The following FGF2 variants were observed in gnomAD, a reference collection of about 807,000 sequenced individuals.
FGF2 encodes fibroblast growth factor 2.
Under a neutral mutation model 15.9 loss-of-function variants are expected in FGF2, and 13 were observed. The ratio of observed to expected loss-of-function variants is 0.82; its 90% confidence interval spans 0.53 to 1.30. The LOEUF is 1.30. FGF2 is among the 50% of genes most tolerant of loss of function. FGF2 has a pLI of 0.00. For synonymous variants in FGF2, 90 were observed against 78.4 expected (o/e 1.15, Z -0.78); for missense variants, 163 against 196.9 (o/e 0.83, Z 1.03).
intron 1 of FGF2, among the ~76,000 whole-genome samples, chr4:122,845,886 TC>T (rs1418577065): frequency 6.6e-6 from 1 of 152,238 alleles, no homozygotes. Context: ...CAAGAATTCT[TC>T]TTTTGCAGTC....
intron 2 of FGF2, among the ~76,000 whole-genome samples, chr4:122,880,339 C>A (rs185236266): frequency 1.3e-5 from 2 of 151,494 alleles, no homozygotes; most frequent in East Asian, 3.9e-4. Context: ...CTCCACCTCC[C>A]GGGTTCACGC....
intron 2 of FGF2, among the ~76,000 whole-genome samples, chr4:122,889,576 G>A (rs941791550): frequency 2.0e-5 from 3 of 151,964 alleles, no homozygotes; most frequent in Non-Finnish European, 4.4e-5. Flanking sequence ...ACTAAATTTT[G>A]GCCCTACTAC....
At chr4:122,852,736 C>A (rs900437377) in intron 1 of FGF2, among the ~76,000 whole-genome samples, 1 of 152,162 alleles carries the variant, frequency 6.6e-6, no homozygotes, top group Non-Finnish European at 1.5e-5. Context: ...TCATTTTTTA[C>A]CAAAATTCAA....
chr4:122,865,669 T>A (rs969024701), intron 1 of FGF2, among the ~76,000 whole-genome samples: 1 of 152,230 alleles, frequency 6.6e-6, no homozygotes, highest in African/African-American at 2.4e-5. Context: ...ACATTTCTAC[T>A]TTAATACATC....
rs1727394589 is a variant in FGF2, at chr4:122,897,385, C to T, written c.*4989C>T. The T allele has an allele frequency of 2.0e-6, 1 of 501,138 alleles. No homozygotes were observed. The highest frequency in any genetic ancestry group is 3.5e-5 in the Admixed American group (1 of 28,182). 31.0% of individuals were successfully genotyped at this position (501,138 alleles called of 1,614,324 possible). A position where few individuals can be genotyped will look rare whatever the true frequency, so the allele number is the denominator to read the frequency against. ...TCAGACAGATTAATCCAGAAGCAGT[C>T]ATAAACAGAAGAATAGGTGGTATGT... On this transcript the variant is annotated 3_prime_UTR_variant, in exon 3 of 3. Coordinates refer to ENST00000644866, the MANE Select transcript of FGF2 (RefSeq NM_001361665.2).
At chr4:122,861,540 A>T (rs577242484) in intron 1 of FGF2, among the ~76,000 whole-genome samples, 5 of 151,016 alleles carry the variant, frequency 3.3e-5, no homozygotes, top group African/African-American at 9.7e-5. Flanking sequence ...TTCTCCTCAT[A>T]GCCCCTGTGA....
chr4:122,860,447 C>CTTTTTTTTTT (rs34541038), intron 1 of FGF2, among the ~76,000 whole-genome samples: 1 of 90,916 alleles, frequency 1.1e-5, no homozygotes, highest in Non-Finnish European at 2.0e-5. Context: ...CTAAGGTTAA[C>CTTTTTTTTTT]TTTTTTTTTT....
intron 2 of FGF2, among the ~76,000 whole-genome samples, chr4:122,879,589 C>T (rs1033284400): frequency 3.3e-5 from 5 of 152,208 alleles, no homozygotes; most frequent in Admixed American, 2.0e-4. Context: ...TAACCTAGTG[C>T]ATTAGTCCAT....
At position 122,894,324 on chromosome 4, in the gene FGF2, C is replaced by A. The variant is rs780603575; in HGVS notation, c.*1928C>A. On this transcript the variant is annotated 3_prime_UTR_variant, in exon 3 of 3. Transcript: ENST00000644866. The stretch of plus-strand genomic sequence containing the variant: ...GAAAAATCTAGGCCGGGTGCAGTGG[C>A]TCATGCCTATATTCCCTGCACTTTG... The A allele has an allele frequency of 6.6e-6, 1 of 152,272 alleles. No individual in the cohort carries two copies. The highest frequency in any genetic ancestry group is 2.4e-5 in the African/African-American group (1 of 41,454). 9.4% of individuals were successfully genotyped at this position (152,272 alleles called of 1,614,324 possible).
chr4:122,828,355 T>G (rs575446097), intron 1 of FGF2, among the ~76,000 whole-genome samples: 1 of 152,252 alleles, frequency 6.6e-6, no homozygotes, highest in South Asian at 2.1e-4. Flanking sequence ...CTGATGGAAT[T>G]TGAAGTGAGA....
chr4:122,883,602 T>C (rs1387100495), intron 2 of FGF2, among the ~76,000 whole-genome samples: 4 of 152,242 alleles, frequency 2.6e-5, no homozygotes, highest in Non-Finnish European at 4.4e-5. Context: ...AATATTAGAA[T>C]TGATGATTTA....
At chr4:122,875,506 G>A (rs1429779633) in intron 1 of FGF2, among the ~76,000 whole-genome samples, 1 of 146,318 alleles carries the variant, frequency 6.8e-6, no homozygotes, top group Admixed American at 6.9e-5. Flanking sequence ...GAAATAAGAT[G>A]TGTAGAAGTC....
At chr4:122,853,443 G>A (rs1726275349) in intron 1 of FGF2, among the ~76,000 whole-genome samples, 1 of 152,126 alleles carries the variant, frequency 6.6e-6, no homozygotes. Flanking sequence ...AACACACAGA[G>A]GGGAACAGAG....
intron 1 of FGF2, among the ~76,000 whole-genome samples, chr4:122,847,674 C>T (rs1003695610): frequency 2.0e-5 from 3 of 151,968 alleles, no homozygotes; most frequent in East Asian, 1.9e-4. Context: ...ACCTACCTAC[C>T]TAGAGGGATT....
At chr4:122,855,941 C>T (rs1224426654) in intron 1 of FGF2, among the ~76,000 whole-genome samples, 3 of 152,132 alleles carry the variant, frequency 2.0e-5, no homozygotes, top group Non-Finnish European at 4.4e-5. Context: ...CGTACCCTCA[C>T]CTTCTAGTGA....
chr4:122,832,852 A>T (rs559280907), intron 1 of FGF2, among the ~76,000 whole-genome samples: 1 of 152,176 alleles, frequency 6.6e-6, no homozygotes, highest in Non-Finnish European at 1.5e-5. Flanking sequence ...TTCTCCCTTT[A>T]ATAATGACCG....
intron 1 of FGF2, among the ~76,000 whole-genome samples, chr4:122,848,136 G>A (rs1726154089): frequency 6.6e-6 from 1 of 152,188 alleles, no homozygotes. Flanking sequence ...ATGCCCCAAG[G>A]ACACGGGTCA....
intron 1 of FGF2, among the ~76,000 whole-genome samples, chr4:122,851,108 T>C (rs180701143): frequency 6.6e-6 from 1 of 152,290 alleles, no homozygotes; most frequent in Non-Finnish European, 1.5e-5. Context: ...TTTAGTATTA[T>C]TTCAACCTGC....
At chr4:122,856,762 C>T (rs1234561865) in intron 1 of FGF2, among the ~76,000 whole-genome samples, 4 of 152,128 alleles carry the variant, frequency 2.6e-5, no homozygotes, top group Non-Finnish European at 4.4e-5. Context: ...AGTATCATAA[C>T]CCAGATATTG....
Sources: gnomAD v4.1 joint callset for allele counts (sites outside exome capture counted in the v4.1 genomes callset) on GRCh38, gnomAD v4.1.1 for gene constraint, MANE v1.5 for transcripts, NCBI Gene and HGNC (gene_info 2026-07-23, HGNC 2026-07-21) for gene names.